GLRA3: variants seen among roughly 807,000 people sequenced by gnomAD.
GLRA3 encodes glycine receptor subunit alpha-3.
Under a neutral mutation model 60.4 loss-of-function variants are expected in GLRA3, and 44 were observed. The ratio of observed to expected loss-of-function variants is 0.73; its 90% CI spans 0.57 to 0.94. The LOEUF (loss-of-function observed/expected upper bound fraction) is 0.94, where lower values mean the gene tolerates loss of function less well. Ranked by LOEUF, GLRA3 falls within the 40% of genes least tolerant of loss-of-function variation. GLRA3 has a pLI of 0.00. For missense variants in GLRA3, 508 were observed against 564.6 expected (o/e 0.90, Z 1.02); for synonymous variants, 223 against 192.9 (o/e 1.16, Z -1.29).
intron 1 of GLRA3, among the ~76,000 whole-genome samples, chr4:174,809,936 T>C (rs1740196022): frequency 6.6e-6 from 1 of 152,042 alleles, no homozygotes; most frequent in South Asian, 2.1e-4. Flanking sequence ...AAGACTTTTA[T>C]AGAAGAGAAT....
intron 3 of GLRA3, among the ~76,000 whole-genome samples, chr4:174,753,150 C>G (rs188258930): frequency 6.6e-6 from 1 of 152,146 alleles, no homozygotes; most frequent in Non-Finnish European, 1.5e-5. Flanking sequence ...TTAACTCTTG[C>G]GTGCATCTGT....
At chr4:174,699,711 C>T (rs1735221247) in intron 5 of GLRA3, among the ~76,000 whole-genome samples, 1 of 152,012 alleles carries the variant, frequency 6.6e-6, no homozygotes, top group East Asian at 1.9e-4. Context: ...TTGCTCATCA[C>T]AAAGGAACCA....
rs1301999003 is a variant in GLRA3 at position 174,716,680 on chromosome 4, T to C, written c.492-1110A>G. 2.0e-5 allele frequency among the ~76,000 whole-genome samples: 3 copies of C among 152,128 alleles called. No homozygotes were observed. In the East Asian group the frequency reaches 5.8e-4, roughly 29 times the overall value. ...AATCCCCTATATTGCAGTTTTCTCATCTTTAAAATGAAGATAACAATAGTA... is the reference window on the plus strand; with the variant it reads ...AATCCCCTATATTGCAGTTTTCTCACCTTTAAAATGAAGATAACAATAGTA... On this transcript the variant is annotated intron_variant, in intron 4 of 9. Coordinates refer to ENST00000274093, the MANE Select transcript of GLRA3 (RefSeq NM_006529.4).
intron 5 of GLRA3, among the ~76,000 whole-genome samples, chr4:174,687,495 T>C (rs1032258249): frequency 1.3e-5 from 2 of 152,144 alleles, no homozygotes; most frequent in African/African-American, 4.8e-5. Flanking sequence ...CTATTTTTTA[T>C]GTGAAAAAAA....
intron 5 of GLRA3, among the ~76,000 whole-genome samples, chr4:174,708,406 T>A (rs1476783181): frequency 6.6e-6 from 1 of 151,898 alleles, no homozygotes; most frequent in Non-Finnish European, 1.5e-5. Flanking sequence ...CTTTATATAT[T>A]TCTATCCAAC....
At chr4:174,783,227 C>A in intron 2 of GLRA3, among the ~76,000 whole-genome samples, 1 of 149,898 alleles carries the variant, frequency 6.7e-6, no homozygotes, top group African/African-American at 2.5e-5. Context: ...GAAAGGATTC[C>A]CTATTTAATA....
At chr4:174,686,256 A>G (rs1734549280) in intron 5 of GLRA3, among the ~76,000 whole-genome samples, 1 of 152,222 alleles carries the variant, frequency 6.6e-6, no homozygotes, top group African/African-American at 2.4e-5. Context: ...TAATTTTAAA[A>G]AATCAATACT....
chr4:174,725,987 G>C (rs1270400314), intron 4 of GLRA3, among the ~76,000 whole-genome samples: 1 of 152,214 alleles, frequency 6.6e-6, no homozygotes, highest in Non-Finnish European at 1.5e-5. Flanking sequence ...CTTAGGCAAG[G>C]GAAGGTGTTA....
chr4:174,797,636 T>C (rs372670186), intron 1 of GLRA3, among the ~76,000 whole-genome samples: 7 of 152,130 alleles, frequency 4.6e-5, no homozygotes, highest in African/African-American at 1.7e-4. Context: ...TAATATCCAA[T>C]AAGATAAGAG....
At chr4:174,749,865 C>T (rs1737399138) in intron 3 of GLRA3, among the ~76,000 whole-genome samples, 1 of 151,992 alleles carries the variant, frequency 6.6e-6, no homozygotes, top group Admixed American at 6.6e-5. Context: ...TGCAGAGTGA[C>T]ATATATGAGT....
intron 3 of GLRA3, 122 bp from the exon 4 acceptor site, chr4:174,728,820 A>G (rs1236970838): frequency 3.3e-6 from 2 of 613,264 alleles, no homozygotes; most frequent in African/African-American, 1.8e-5. Flanking sequence ...CCTCTTGGGG[A>G]CGGGGTGTAT....
At chr4:174,813,374 A>G (rs1454082488) in intron 1 of GLRA3, among the ~76,000 whole-genome samples, 3 of 152,196 alleles carry the variant, frequency 2.0e-5, no homozygotes. Context: ...TAATAAATAA[A>G]GATCATTCCT....
chr4:174,767,404 AT>A (rs1159851345), intron 2 of GLRA3, among the ~76,000 whole-genome samples: 2 of 150,956 alleles, frequency 1.3e-5, no homozygotes, highest in Admixed American at 6.6e-5. Context: ...CATGTCTTAT[AT>A]TTTTTTTTGT....
At chr4:174,762,751 C>A (rs1737987886) in intron 3 of GLRA3, among the ~76,000 whole-genome samples, 1 of 152,002 alleles carries the variant, frequency 6.6e-6, no homozygotes, top group Non-Finnish European at 1.5e-5. Flanking sequence ...ATATAACAGC[C>A]ATTCATAACA....
At position 174,691,835 on chromosome 4, in the gene GLRA3, G is replaced by A. The variant is rs971939735; in HGVS notation, c.575-8896C>T. Among the ~76,000 whole-genome samples, 48 of 151,934 alleles carry A rather than the reference G, an allele frequency of 3.2e-4. No individual in the cohort carries two copies. The South Asian group carries it at 4.8e-3, about 15-fold the overall frequency. On this transcript the variant is annotated intron_variant, in intron 5 of 9. Coordinates refer to ENST00000274093, the MANE Select transcript of GLRA3 (RefSeq NM_006529.4). Reference sequence around the variant, plus strand: ...CCACCCCATCTGGGAAGTGAGGAGCGTCTCTGCCTGGCCGCCCATCGTCTG... The same window carrying A: ...CCACCCCATCTGGGAAGTGAGGAGCATCTCTGCCTGGCCGCCCATCGTCTG...
At chr4:174,716,932 G>T (rs1382880905) in intron 4 of GLRA3, among the ~76,000 whole-genome samples, 1 of 152,040 alleles carries the variant, frequency 6.6e-6, no homozygotes, top group African/African-American at 2.4e-5. Context: ...CAGGCGTGGT[G>T]TCTTACGCCT....
chr4:174,796,662 G>A (rs1024793641), intron 1 of GLRA3, among the ~76,000 whole-genome samples: 1 of 151,742 alleles, frequency 6.6e-6, no homozygotes, highest in African/African-American at 2.4e-5. Context: ...TCAGCCCCCC[G>A]AGTAGCTGGG....
chr4:174,646,734 T>C (rs1001796369), intron 9 of GLRA3, among the ~76,000 whole-genome samples: 11 of 152,320 alleles, frequency 7.2e-5, no homozygotes, highest in African/African-American at 2.6e-4. Context: ...GCTGGAGGTC[T>C]GATGGGTTTC....
chr4:174,787,154 C>T (rs1739155791), intron 2 of GLRA3, among the ~76,000 whole-genome samples: 1 of 152,016 alleles, frequency 6.6e-6, no homozygotes, highest in African/African-American at 2.4e-5. Context: ...AGCACTGAGG[C>T]CACTCTTGTG....
Sources: gnomAD v4.1 joint callset for allele counts (sites outside exome capture counted in the v4.1 genomes callset) on GRCh38, gnomAD v4.1.1 for gene constraint, MANE v1.5 for transcripts, NCBI Gene and HGNC (gene_info 2026-07-23, HGNC 2026-07-21) for gene names.